Variants in MDFIC observed in about 807,000 individuals in gnomAD.
MDFIC encodes the protein myoD family inhibitor domain-containing protein.
A neutral mutation model predicts 23.2 loss-of-function variants in MDFIC; 17 were observed. The observed-to-expected ratio is 0.73, with a 90% CI of 0.50 to 1.10. The LOEUF is 1.10. Among genes scored for constraint, MDFIC ranks in the 50% least tolerant of loss-of-function variants. The pLI is 0.00. For missense variants in MDFIC, 356 were observed against 316.6 expected, an observed-to-expected ratio of 1.12 and a Z score of -0.95; for synonymous variants, 120 against 115.2, an observed-to-expected ratio of 1.04 and a Z score of -0.27.
At chr7:114,970,767 T>C (rs980098399) in intron 3 of MDFIC, among the ~76,000 whole-genome samples, 7 of 152,186 alleles carry the variant, frequency 4.6e-5, no homozygotes, top group Non-Finnish European at 1.0e-4. Context: ...AACAAGTAAC[T>C]TGGCTGCTGA....
chr7:115,000,622 G>A (rs926533159), intron 4 of MDFIC, among the ~76,000 whole-genome samples: 1 of 151,918 alleles, frequency 6.6e-6, no homozygotes, highest in African/African-American at 2.4e-5. Flanking sequence ...TTTTTGAACA[G>A]CTTCTTTTTG....
In MDFIC at chr7:114,923,020, C is replaced by T. The variant is rs920841336; in HGVS notation, c.-14C>T. 13 of 1,442,576 alleles carry T rather than the reference C, an allele frequency of 9.0e-6. No individual in the cohort carries two copies. The highest frequency in any genetic ancestry group is 7.5e-5 in the African/African-American group (5 of 66,460). 89.4% of individuals were successfully genotyped at this position (1,442,576 alleles called of 1,614,324 possible). On this transcript the variant is annotated 5_prime_UTR_variant, in exon 2 of 5. Transcript: ENST00000393486. ...AGGCGGCAGCGGCGCGGCGCGGGCT[C>T]GGCGGAGCGGCCCATGTCCGGCGCG...
chr7:114,969,640 G>T (rs1327291705), intron 3 of MDFIC, among the ~76,000 whole-genome samples: 1 of 152,150 alleles, frequency 6.6e-6, no homozygotes, highest in African/African-American at 2.4e-5. Context: ...GAAGAAAGGG[G>T]TGAATTGGAT....
At chr7:114,926,503 C>T (rs1792192915) in intron 2 of MDFIC, among the ~76,000 whole-genome samples, 1 of 152,026 alleles carries the variant, frequency 6.6e-6, no homozygotes, top group Admixed American at 6.5e-5. Flanking sequence ...CTGTATCTTT[C>T]CCCCAACCCC....
At chr7:114,979,363 TTTTC>T (rs1337071150) in intron 3 of MDFIC, 139 bp from the exon 4 acceptor site, 1 of 808,336 alleles carries the variant, frequency 1.2e-6, no homozygotes, top group Non-Finnish European at 1.8e-6. Flanking sequence ...ATGTTAGTAT[TTTTC>T]TTTCTTTTCT....
At position 114,979,703 on chromosome 7, in the gene MDFIC, T is replaced by A. The variant is rs775052289; in HGVS notation, c.415T>A (p.Leu139Met). The A allele has an allele frequency of 6.2e-7, 1 of 1,614,130 alleles. No individual in the cohort carries two copies. Among genetic ancestry groups the A allele is most frequent in the South Asian group, 1.1e-5 (1 of 91,088 alleles). Residue 139 changes from leucine to methionine, a missense_variant, in exon 4 of 5, where the codon TTG becomes ATG. Leu to Met is a conservative substitution (Grantham distance 15, BLOSUM62 2). Coordinates refer to ENST00000393486, the MANE Select transcript of MDFIC (RefSeq NM_001166345.3). ...AATGCATAGAAAAATTCAGTCCAGCTTGTCTGTAAACAGCGATATCAGTAA... is the reference window on the plus strand; with the variant it reads ...AATGCATAGAAAAATTCAGTCCAGCATGTCTGTAAACAGCGATATCAGTAA... ...QKMHRKIQSSLSVNSDISKKS... is the reference protein window; with the variant it reads ...QKMHRKIQSSMSVNSDISKKS...
chr7:114,922,999 G>C lies in MDFIC; in HGVS notation c.-35G>C, dbSNP rs375211129. On this transcript the variant is annotated 5_prime_UTR_variant, in exon 2 of 5. Coordinates refer to ENST00000393486, the MANE Select transcript of MDFIC (RefSeq NM_001166345.3). ...CGCCCTGCCGGGCGGCGAGCTAGGC[G>C]GCAGCGGCGCGGCGCGGGCTCGGCG... 132 of 1,508,362 alleles carry C rather than the reference G, an allele frequency of 8.8e-5. No individual in the cohort carries two copies. In the East Asian group the frequency reaches 3.7e-3, roughly 42 times the overall value. 93.4% of individuals were successfully genotyped at this position (1,508,362 alleles called of 1,614,324 possible).
At chr7:114,931,054 C>T (rs371443572) in intron 2 of MDFIC, among the ~76,000 whole-genome samples, 2 of 152,054 alleles carry the variant, frequency 1.3e-5, no homozygotes, top group African/African-American at 2.4e-5. Context: ...TCTCTCCCTC[C>T]GTCCCCTTTT....
intron 3 of MDFIC, among the ~76,000 whole-genome samples, chr7:114,944,514 A>G (rs1292095633): frequency 6.6e-6 from 1 of 152,222 alleles, no homozygotes; most frequent in Non-Finnish European, 1.5e-5. Flanking sequence ...AACATTTTAT[A>G]TCATCTTTAA....
intron 4 of MDFIC, among the ~76,000 whole-genome samples, chr7:114,987,578 G>T (rs1793535798): frequency 6.6e-6 from 1 of 152,152 alleles, no homozygotes; most frequent in African/African-American, 2.4e-5. Context: ...GAAAGGTTTA[G>T]AATTCTGCTT....
chr7:114,958,727 G>A (rs765165376), intron 3 of MDFIC, among the ~76,000 whole-genome samples: 1 of 152,078 alleles, frequency 6.6e-6, no homozygotes, highest in East Asian at 1.9e-4. Flanking sequence ...CTCTAGCCTG[G>A]GTGACAAGTG....
At chr7:114,926,947 T>C in intron 2 of MDFIC, among the ~76,000 whole-genome samples, 1 of 152,228 alleles carries the variant, frequency 6.6e-6, no homozygotes, top group Non-Finnish European at 1.5e-5. Context: ...CCTGGTTCTC[T>C]ACTGGGGACA....
At chr7:114,967,830 C>CTTTTTTTT (rs56343596) in intron 3 of MDFIC, among the ~76,000 whole-genome samples, 60 of 118,596 alleles carry the variant, frequency 5.1e-4, no homozygotes, top group East Asian at 7.0e-4. Context: ...TCTTTCTTTT[C>CTTTTTTTT]TTTTTTTTTT....
chr7:114,922,232 C>A lies in MDFIC; in HGVS notation c.-512C>A. ...GCGGCCGAGCCCGGGTCGCGCCGCT[C>A]CCAGCATCGGGGCCGCTAGCCAAGA... is the stretch of plus-strand genomic sequence containing the variant. On this transcript the variant is annotated 5_prime_UTR_variant, in exon 1 of 5. Transcript: ENST00000393486. 3 of 547,314 alleles carry A rather than the reference C, an allele frequency of 5.5e-6. No homozygotes were observed. Among genetic ancestry groups the A allele is most frequent in the Admixed American group, 8.8e-5 (2 of 22,756 alleles). The allele number at this position is 547,314 out of a possible 1,614,324, so 33.9% of individuals were successfully genotyped here. A position where few individuals can be genotyped will look rare whatever the true frequency, so the allele number is the denominator to read the frequency against.
intron 4 of MDFIC, chr7:115,014,551 T>C (rs1476478353): frequency 4.7e-6 from 6 of 1,279,374 alleles, no homozygotes; most frequent in Admixed American, 2.4e-5. Flanking sequence ...GGTGGGGTTG[T>C]TGTGTCTTAT....
intron 2 of MDFIC, among the ~76,000 whole-genome samples, chr7:114,931,169 G>A (rs1259388239): frequency 6.6e-6 from 1 of 152,090 alleles, no homozygotes; most frequent in African/African-American, 2.4e-5. Flanking sequence ...CCTGAAGGAG[G>A]AAAGCTTTTT....
chr7:114,974,826 C>T (rs1015070079), intron 3 of MDFIC, among the ~76,000 whole-genome samples: 4 of 151,964 alleles, frequency 2.6e-5, no homozygotes, highest in African/African-American at 7.2e-5. Context: ...TGATTGAAAA[C>T]ATTTGAACCT....
At chr7:114,995,886 A>T (rs1490147394) in intron 4 of MDFIC, among the ~76,000 whole-genome samples, 1 of 152,150 alleles carries the variant, frequency 6.6e-6, no homozygotes, top group African/African-American at 2.4e-5. Context: ...AAATGCAGAA[A>T]TCACCTGTCT....
Position 114,944,027 on chromosome 7 carries a change from A to T in MDFIC, c.217+1630A>T, listed in dbSNP as rs202003160. Among the ~76,000 whole-genome samples, 3 of 152,246 alleles carry T rather than the reference A, an allele frequency of 2.0e-5. No homozygotes were observed. In the East Asian group the frequency reaches 5.8e-4, roughly 29 times the overall value. On this transcript the variant is annotated intron_variant, in intron 3 of 4. Coordinates refer to ENST00000393486, the MANE Select transcript of MDFIC (RefSeq NM_001166345.3). Reference sequence around the variant, plus strand: ...TTATTTGGTGAAGCTCATATTAGTCATAGAATCCATACCATTAAAAAGAAT... The same window carrying T: ...TTATTTGGTGAAGCTCATATTAGTCTTAGAATCCATACCATTAAAAAGAAT...
Sources: gnomAD v4.1 joint callset for allele counts (sites outside exome capture counted in the v4.1 genomes callset) on GRCh38, gnomAD v4.1.1 for gene constraint, MANE v1.5 for transcripts, NCBI Gene and HGNC (gene_info 2026-07-23, HGNC 2026-07-21) for gene names.